MACF1: variants seen among roughly 807,000 people sequenced by gnomAD.
MACF1 encodes the protein microtubule actin crosslinking factor 1, also known as microtubule-actin cross-linking factor 1.
MACF1 carries 193 observed loss-of-function variants against 854.8 expected under a neutral mutation model. That is an observed-to-expected ratio of 0.23 (90% confidence interval 0.20 to 0.25). The LOEUF is 0.25. Among genes scored for constraint, MACF1 ranks in the 10% least tolerant of loss-of-function variants. The pLI, the probability that MACF1 is intolerant of heterozygous loss-of-function variation, is 1.00. For missense variants in MACF1, 7,722 were observed against 8,929.1 expected (o/e 0.86, Z 5.45); for synonymous variants, 3,185 against 3,226.7 (o/e 0.99, Z 0.44).
intron 2 of MACF1, among the ~76,000 whole-genome samples, chr1:39,097,529 C>T (rs190662734): frequency 1.8e-3 from 279 of 152,058 alleles, no homozygotes; most frequent in African/African-American, 6.4e-3. Flanking sequence ...CAACATCGGC[C>T]TGGGTTACAT....
At chr1:39,295,213 A>T in intron 19 of MACF1, 63 bp downstream of exon 19, 1 of 1,359,140 alleles carries the variant, frequency 7.4e-7, no homozygotes, top group Non-Finnish European at 1.0e-6. Flanking sequence ...AAAGTATTCA[A>T]ATTAGAGACT....
Position 39,239,284 on chromosome 1 carries a change from A to AAAAC in MACF1, c.171+8069_171+8072dup, listed in dbSNP as rs113965164. ...TGACAGAGCGAGACTCTGTCTCAAA[A>AAAAC]AAACAAACAAACAAACAAACAAACA... On this transcript the variant is annotated intron_variant, in intron 2 of 100. Coordinates refer to ENST00000564288, the MANE Select transcript of MACF1 (RefSeq NM_001394062.1). Among the ~76,000 whole-genome samples, 594 of 150,748 alleles carry AAAAC rather than the reference A, an allele frequency of 3.9e-3. 3 individuals are homozygous for AAAAC. Among genetic ancestry groups the AAAAC allele is most frequent in the Admixed American group, 7.7e-3 (116 of 15,118 alleles).
intron 2 of MACF1, chr1:39,103,577 G>A (rs1037978731): frequency 6.6e-6 from 1 of 152,574 alleles, no homozygotes; most frequent in Non-Finnish European, 1.5e-5. Context: ...TGCATTTTCC[G>A]CTAAAAGCCT....
chr1:39,248,921 T>C (rs1645011174), intron 2 of MACF1, among the ~76,000 whole-genome samples: 1 of 148,980 alleles, frequency 6.7e-6, no homozygotes, highest in Admixed American at 6.8e-5. Flanking sequence ...GAGAAGGGGG[T>C]CTCCCCACAT....
chr1:39,263,834 C>T (rs1442979712), intron 6 of MACF1, among the ~76,000 whole-genome samples: 6 of 122,010 alleles, frequency 4.9e-5, no homozygotes, highest in Admixed American at 3.4e-4. Flanking sequence ...AGTGCAGTGG[C>T]GCGATTTCAG....
intron 2 of MACF1, among the ~76,000 whole-genome samples, chr1:39,170,134 A>C (rs1643928626): frequency 6.6e-6 from 1 of 152,024 alleles, no homozygotes; most frequent in South Asian, 2.1e-4. Flanking sequence ...TTTATACTTA[A>C]CTGAAATCTG....
rs1196383047 is a variant in MACF1 at position 39,409,960 on chromosome 1, T to A, written c.15817-12414T>A. ...ACTCGTCAATATCAGATGATTTTTG[T>A]TGACTGTATTTGAAAGAGCAGTGCT... On this transcript the variant is annotated intron_variant, in intron 58 of 100. Transcript: ENST00000564288. This position sits in a 1 kb window ranked among gnomAD's most constrained non-coding sequence, Gnocchi z 4.2. 7.2e-6 allele frequency: 2 copies of A among 279,476 alleles called. No individual in the cohort carries two copies. The highest frequency in any genetic ancestry group is 1.3e-5 in the Non-Finnish European group (2 of 150,818). The allele number at this position is 279,476 out of a possible 1,614,324, so 17.3% of individuals were successfully genotyped here. A position where few individuals can be genotyped will look rare whatever the true frequency, so the allele number is the denominator to read the frequency against.
chr1:39,120,495 G>A (rs1207123517), intron 2 of MACF1, among the ~76,000 whole-genome samples: 1 of 152,026 alleles, frequency 6.6e-6, no homozygotes, highest in African/African-American at 2.4e-5. Flanking sequence ...CTCCCGAGTA[G>A]CTAGGATTAC....
chr1:39,130,911 G>A (rs1642983074), intron 2 of MACF1, among the ~76,000 whole-genome samples: 1 of 150,080 alleles, frequency 6.7e-6, no homozygotes, highest in South Asian at 2.1e-4. Flanking sequence ...GTGTGATCTC[G>A]GCTCACTGCA....
chr1:39,116,925 C>T (rs760516231), intron 2 of MACF1, among the ~76,000 whole-genome samples: 9 of 152,152 alleles, frequency 5.9e-5, no homozygotes, highest in Non-Finnish European at 1.2e-4. Context: ...TTACTACTCT[C>T]CCCAGGGCAG....
intron 35 of MACF1, 140 bp from the exon 36 acceptor site, chr1:39,327,078 A>G: frequency 1.3e-6 from 1 of 770,406 alleles, no homozygotes; most frequent in Non-Finnish European, 2.0e-6. Context: ...AGAAGAACTG[A>G]CTGAAATGCC....
At position 39,340,647 on chromosome 1, in the gene MACF1, C is replaced by G; in HGVS notation, c.10361C>G (p.Ser3454Cys). The change falls in exon 39 of 101, where the codon TCT becomes TGT. Residue 3454 changes from serine to cysteine, a missense_variant. Physicochemically the swap from Ser to Cys is moderately radical, Grantham distance 112. Around this residue, in one of 15 missense-constraint regions of MACF1, gnomAD observed 854 missense variants for 852.6 expected, o/e 1.00. Coordinates refer to ENST00000564288, the MANE Select transcript of MACF1 (RefSeq NM_001394062.1). ...AAAGATGCCAAGAATCTTCAGAAGT[C>G]TCTCAGCTCTGTGAGTGACACTTGG... ...LEKDAKNLQKSLSSVSDTWNS... is the reference protein window; with the variant it reads ...LEKDAKNLQKCLSSVSDTWNS... 1.2e-6 allele frequency: 2 copies of G among 1,614,174 alleles called. No homozygotes were observed. The highest frequency in any genetic ancestry group is 1.7e-6 in the Non-Finnish European group (2 of 1,180,020).
chr1:39,139,413 C>T (rs376153689), intron 2 of MACF1, among the ~76,000 whole-genome samples: 267 of 151,466 alleles, frequency 1.8e-3, no homozygotes, highest in African/African-American at 5.8e-3. Flanking sequence ...TCCCCTACCA[C>T]GTCCAGCTAA....
At chr1:39,386,285 C>T (rs1463958088) in intron 57 of MACF1, among the ~76,000 whole-genome samples, 1 of 149,978 alleles carries the variant, frequency 6.7e-6, no homozygotes, top group Non-Finnish European at 1.5e-5. Context: ...CACACACACA[C>T]GGTCTCGCTC....
At chr1:39,236,369 A>G (rs1041112480) in intron 2 of MACF1, among the ~76,000 whole-genome samples, 13 of 152,084 alleles carry the variant, frequency 8.5e-5, no homozygotes, top group African/African-American at 3.1e-4. Context: ...ATCTTTGTTC[A>G]TTCTGCTCCC....
rs754535262 is a variant in MACF1, at chr1:39,436,509, T to C, written c.17988+748T>C. On this transcript the variant is annotated intron_variant, in intron 70 of 100. Transcript: ENST00000564288. ...TACAGAGGTAAGGTACCCATCCCCA[T>C]TGGGACTAGGGTGTTCTTATAATGC... 1.9e-5 allele frequency: 30 copies of C among 1,612,274 alleles called. No homozygotes were observed. Among genetic ancestry groups the C allele is most frequent in the Middle Eastern group, 1.6e-4 (1 of 6,084 alleles).
At chr1:39,156,333 T>C (rs1272120659) in intron 2 of MACF1, among the ~76,000 whole-genome samples, 2 of 152,106 alleles carry the variant, frequency 1.3e-5, no homozygotes, top group Middle Eastern at 3.2e-3. Flanking sequence ...TTATAAGAAT[T>C]TGGGGGCTTG....
At chr1:39,161,725 G>A (rs1643801688) in intron 2 of MACF1, among the ~76,000 whole-genome samples, 2 of 151,944 alleles carry the variant, frequency 1.3e-5, no homozygotes, top group African/African-American at 4.8e-5. Context: ...AAATTAGCCA[G>A]GCGTGGTGGC....
intron 38 of MACF1, among the ~76,000 whole-genome samples, chr1:39,338,107 G>GTA (rs1215604407): frequency 5.3e-5 from 8 of 152,152 alleles, no homozygotes; most frequent in African/African-American, 1.9e-4. Context: ...ATTGATTTAG[G>GTA]TAAGTTCAAA....
Sources: allele counts gnomAD v4.1 joint callset (sites outside exome capture counted in the v4.1 genomes callset), GRCh38; gene constraint gnomAD v4.1.1; regional missense constraint gnomAD v4.1.1; non-coding constraint Gnocchi (gnomAD v3.1); transcripts MANE v1.5; gene names NCBI Gene and HGNC (gene_info 2026-07-23, HGNC 2026-07-21).